ZNF254: variants seen among roughly 807,000 people sequenced by gnomAD.
ZNF254 encodes zinc finger protein 254.
Under a neutral mutation model 12.4 loss-of-function variants are expected in ZNF254, and 10 were observed. That is an observed-to-expected ratio of 0.80 (90% CI 0.50 to 1.36). The LOEUF is 1.36. ZNF254 is among the 40% of genes most tolerant of loss of function. ZNF254 has a pLI of 0.00. For missense variants in ZNF254, 996 were observed against 763.9 expected (o/e 1.30, Z -3.58); for synonymous variants, 305 against 253.4 (o/e 1.20, Z -1.93).
At chr19:24,074,287 G>A (rs1262571660) in intron 2 of ZNF254, among the ~76,000 whole-genome samples, 5 of 152,000 alleles carry the variant, frequency 3.3e-5, no homozygotes, top group African/African-American at 7.3e-5. Flanking sequence ...GCCCAGCATC[G>A]AGCTGAAGTG....
At chr19:24,119,651 C>G (rs1371331330) in intron 3 of ZNF254, among the ~76,000 whole-genome samples, 1 of 152,014 alleles carries the variant, frequency 6.6e-6, no homozygotes, top group Admixed American at 6.6e-5. Context: ...TTCATGTCCT[C>G]CCAGTTTTTT....
At chr19:24,063,138 T>G (rs1403495312) in intron 2 of ZNF254, among the ~76,000 whole-genome samples, 2 of 152,198 alleles carry the variant, frequency 1.3e-5, no homozygotes, top group African/African-American at 4.8e-5. Context: ...GAGGCTCTTA[T>G]GCACAAATCC....
intron 3 of ZNF254, among the ~76,000 whole-genome samples, chr19:24,122,150 G>A (rs1258341565): frequency 1.3e-5 from 2 of 152,100 alleles, no homozygotes; most frequent in East Asian, 3.9e-4. Flanking sequence ...TCTTGACATT[G>A]TCATGCAACA....
Position 24,127,253 on chromosome 19 carries a change from C to A in ZNF254, c.1253C>A (p.Ser418Tyr). 2 of 1,613,090 alleles carry A rather than the reference C, an allele frequency of 1.2e-6. No individual in the cohort carries two copies. The highest frequency in any genetic ancestry group is 8.5e-7 in the Non-Finnish European group (1 of 1,179,638). ...CEECGKGFNR[S>Y]SNLTTHKIIH... ...GAATGCGGCAAAGGTTTTAATCGATCTTCAAATCTTACTACACATAAGATA... is the reference window on the plus strand; with the variant it reads ...GAATGCGGCAAAGGTTTTAATCGATATTCAAATCTTACTACACATAAGATA... The change falls in exon 4 of 4, where the codon TCT (serine) becomes TAT (tyrosine). Residue 418 changes from serine (S) to tyrosine (Y), a missense_variant. Physicochemically the swap from Ser to Tyr is moderately radical, Grantham distance 144 (BLOSUM62 -2). Coordinates refer to ENST00000357002, the MANE Select transcript of ZNF254 (RefSeq NM_203282.4).
At chr19:24,084,282 T>C (rs997400815), upstream of ZNF254, among the ~76,000 whole-genome samples, 1 of 151,104 alleles carries the variant, frequency 6.6e-6, no homozygotes, top group African/African-American at 2.4e-5. Context: ...AGAACATTAT[T>C]CTAAGTGAAG....
intron 1 of ZNF254, among the ~76,000 whole-genome samples, chr19:24,036,137 C>G (rs183603710): frequency 7.1e-4 from 108 of 152,324 alleles, no homozygotes; most frequent in African/African-American, 2.4e-3. Flanking sequence ...TCTTGGCTCA[C>G]TGCGAGCTCC....
chr19:24,089,361 C>G (rs1972229169), intron 1 of ZNF254, among the ~76,000 whole-genome samples: 1 of 152,102 alleles, frequency 6.6e-6, no homozygotes. Context: ...GAGAAGAAAG[C>G]AAAGAATAAT....
intron 3 of ZNF254, among the ~76,000 whole-genome samples, chr19:24,108,274 A>T (rs1376782806): frequency 6.6e-6 from 1 of 151,858 alleles, no homozygotes; most frequent in East Asian, 1.9e-4. Flanking sequence ...GAAAGGCAGG[A>T]CCCCCCCAGA....
chr19:24,054,214 A>C (rs1456341327), intron 2 of ZNF254, among the ~76,000 whole-genome samples: 2 of 152,120 alleles, frequency 1.3e-5, no homozygotes, highest in Admixed American at 1.3e-4. Context: ...TCCCTGGCTG[A>C]GCACCCAGGT....
intron 1 of ZNF254, among the ~76,000 whole-genome samples, chr19:24,096,103 C>T (rs1972657354): frequency 6.8e-6 from 1 of 147,508 alleles, no homozygotes; most frequent in African/African-American, 2.5e-5. Flanking sequence ...TCTTGTTGTC[C>T]AGGCTGAATG....
rs1228056069 is a variant in ZNF254, at chr19:24,126,702, A to AG, written c.703dup (p.Glu235GlyfsTer7). The AG allele has an allele frequency of 6.2e-7, 1 of 1,613,412 alleles. No individual in the cohort carries two copies. The highest frequency in any genetic ancestry group is 2.2e-5 in the East Asian group (1 of 44,842). ...CTAATCATAGGAAAATTTATACTGAAGAGAAACCTTACAAATGTGAAGAAT... is the reference window on the plus strand; with the variant it reads ...CTAATCATAGGAAAATTTATACTGAAGGAGAAACCTTACAAATGTGAAGAAT... On this transcript the variant is annotated frameshift_variant, in exon 4 of 4. Coordinates refer to ENST00000357002, the MANE Select transcript of ZNF254 (RefSeq NM_203282.4). LOFTEE classifies it low-confidence loss of function (END_TRUNC).
intron 3 of ZNF254, among the ~76,000 whole-genome samples, chr19:24,116,660 A>G (rs949658957): frequency 1.3e-5 from 2 of 151,920 alleles, no homozygotes; most frequent in Non-Finnish European, 2.9e-5. Context: ...TGTAGCTGGG[A>G]GTAGTTTGAT....
intron 2 of ZNF254, among the ~76,000 whole-genome samples, chr19:24,077,115 G>T (rs1428284110): frequency 6.6e-6 from 1 of 152,102 alleles, no homozygotes; most frequent in Non-Finnish European, 1.5e-5. Context: ...GCTAAATTGT[G>T]TATTCAGTGG....
intron 2 of ZNF254, among the ~76,000 whole-genome samples, chr19:24,054,000 T>C (rs569137326): frequency 6.6e-6 from 1 of 152,274 alleles, no homozygotes; most frequent in Admixed American, 6.5e-5. Flanking sequence ...TCTGCGTCCA[T>C]GACCTAAAAG....
chr19:24,126,383 G>C lies in ZNF254; in HGVS notation c.383G>C (p.Ser128Thr), dbSNP rs759968250. ...TTACAGTTAAGAAAAGGCTGTAAAAGTGTGGATGAGTATAAGGTGAACAAA... is the reference window on the plus strand; with the variant it reads ...TTACAGTTAAGAAAAGGCTGTAAAACTGTGGATGAGTATAAGGTGAACAAA... ...ENLQLRKGCK[S>T]VDEYKVNKEG... is the part of the protein sequence containing the mutation. Residue 128 changes from serine (S) to threonine (T), a missense_variant, in exon 4 of 4, where the codon AGT becomes ACT. Physicochemically the swap from Ser to Thr is moderately conservative, Grantham distance 58. Transcript: ENST00000357002. The C allele has an allele frequency of 1.9e-6, 3 of 1,610,724 alleles. No homozygotes were observed. The South Asian group carries it at 3.3e-5, about 18-fold the overall frequency.
chr19:24,107,235 G>A, intron 3 of ZNF254: 3 of 651,640 alleles, frequency 4.6e-6, no homozygotes, highest in Admixed American at 2.5e-5. Context: ...TTTCATTACT[G>A]TGAAGAAAAA....
chr19:24,058,881 C>T (rs1186527745), intron 2 of ZNF254, among the ~76,000 whole-genome samples: 1 of 152,218 alleles, frequency 6.6e-6, no homozygotes, highest in Non-Finnish European at 1.5e-5. Context: ...TAGGTTCTGC[C>T]TGCAGGAGCC....
At chr19:24,043,451 G>A (rs1599575266) in intron 1 of ZNF254, among the ~76,000 whole-genome samples, 1 of 151,934 alleles carries the variant, frequency 6.6e-6, no homozygotes, top group Non-Finnish European at 1.5e-5. Flanking sequence ...TACTAGAGAC[G>A]GCATTTCACT....
rs767891377 is a variant in ZNF254, at chr19:24,127,027, A to G, written c.1027A>G (p.Met343Val). The G allele has an allele frequency of 6.2e-6, 10 of 1,613,736 alleles. No homozygotes were observed. Among genetic ancestry groups the G allele is most frequent in the Non-Finnish European group, 5.9e-6 (7 of 1,179,880 alleles). Residue 343 changes from methionine to valine, a missense_variant, in exon 4 of 4, where the codon ATG becomes GTG. Coordinates refer to ENST00000357002, the MANE Select transcript of ZNF254 (RefSeq NM_203282.4). ...WSSTLTRHKR[M>V]HTGEKPYKCE... ...CTCAACACTAACTAGACATAAGAGG[A>G]TGCACACTGGAGAGAAACCCTACAA...
Sources: allele counts gnomAD v4.1 joint callset (sites outside exome capture counted in the v4.1 genomes callset), GRCh38; gene constraint gnomAD v4.1.1; transcripts MANE v1.5; gene names NCBI Gene and HGNC (gene_info 2026-07-23, HGNC 2026-07-21).